The following ODAD4 variants were observed in gnomAD, a reference collection of about 807,000 sequenced individuals.
The protein encoded by ODAD4 is outer dynein arm-docking complex subunit 4.
Under a neutral mutation model 51.8 loss-of-function variants are expected in ODAD4, and 49 were observed. That is an observed-to-expected ratio of 0.95 (90% confidence interval 0.75 to 1.20). The LOEUF (loss-of-function observed/expected upper bound fraction) is 1.20. Among genes scored for constraint, ODAD4 ranks in the 50% most tolerant of loss-of-function variants. The probability of loss-of-function intolerance (pLI) is 0.00; values close to 1 mark genes in which losing one functional copy is unlikely to be tolerated. For synonymous variants in ODAD4, 235 were observed against 221.3 expected, an observed-to-expected ratio of 1.06 and a Z score of -0.55; for missense variants, 590 against 586.5, an observed-to-expected ratio of 1.01 and a Z score of -0.06.
intron 5 of ODAD4, 71 bp from the exon 6 acceptor site, chr17:41,938,486 G>A (rs547846288): frequency 2.6e-5 from 34 of 1,315,768 alleles, no homozygotes; most frequent in East Asian, 2.5e-4. Context: ...AGCGGCCACC[G>A]GGAGGAAACA....
In ODAD4 at chr17:41,931,850, A is replaced by G. The variant is rs2050345265; in HGVS notation, c.114+1013A>G. Among the ~76,000 whole-genome samples the G allele has an allele frequency of 2.0e-5, 3 of 152,108 alleles. No individual in the cohort carries two copies. The South Asian group carries it at 6.2e-4, about 32-fold the overall frequency. ...AGCTGCTGCACCAACCAGCAACATT[A>G]TTATAGTAACCCTAGTATAAATTGC... is the stretch of plus-strand genomic sequence containing the variant. On this transcript the variant is annotated intron_variant, in intron 1 of 11. Coordinates refer to ENST00000377540, the MANE Select transcript of ODAD4 (RefSeq NM_031421.5).
At chr17:41,960,309 G>A (rs1567940217) in intron 10 of ODAD4, among the ~76,000 whole-genome samples, 1 of 151,966 alleles carries the variant, frequency 6.6e-6, no homozygotes, top group Non-Finnish European at 1.5e-5. Flanking sequence ...CTCTTAAAAA[G>A]AAAAAACAAA....
intron 11 of ODAD4, among the ~76,000 whole-genome samples, chr17:41,962,586 A>G (rs1205227781): frequency 6.6e-6 from 1 of 152,210 alleles, no homozygotes; most frequent in African/African-American, 2.4e-5. Flanking sequence ...TCCTATCTGT[A>G]TCTGTTCAGG....
chr17:41,935,630 C>G lies in ODAD4; in HGVS notation c.278C>G (p.Thr93Ser). 6.2e-7 allele frequency: 1 copy of G among 1,613,212 alleles called. No individual in the cohort carries two copies. Among genetic ancestry groups the G allele is most frequent in the Middle Eastern group, 1.7e-4 (1 of 6,060 alleles). ...TTGCAAAAGGCTGAGACACTGTACA[C>G]CATGGGAGACTTTGAGTTTGCCTTG... ...GILQKAETLY[T>S]MGDFEFALVF... is the part of the protein sequence containing the mutation. Residue 93 changes from threonine (T) to serine (S), a missense_variant, in exon 3 of 12, where the codon ACC becomes AGC. This residue lies in a region of ODAD4 where 360 missense variants were observed against 407.5 expected (regional missense o/e 0.88). Coordinates refer to ENST00000377540, the MANE Select transcript of ODAD4 (RefSeq NM_031421.5).
chr17:41,959,234 T>C (rs2050773553), intron 10 of ODAD4, among the ~76,000 whole-genome samples: 1 of 152,030 alleles, frequency 6.6e-6, no homozygotes, highest in Non-Finnish European at 1.5e-5. Flanking sequence ...GCACACCAAC[T>C]TCACAGGTGC....
intron 1 of ODAD4, 127 bp downstream of exon 1, chr17:41,930,964 G>C: frequency 1.7e-6 from 1 of 572,154 alleles, no homozygotes; most frequent in Non-Finnish European, 2.9e-6. Context: ...CACGATCTCG[G>C]CTCGCCGCAA....
intron 3 of ODAD4, among the ~76,000 whole-genome samples, 188 bp from the exon 4 acceptor site, chr17:41,936,285 G>A (rs186528162): frequency 9.8e-5 from 15 of 152,288 alleles, no homozygotes; most frequent in South Asian, 2.1e-4. Flanking sequence ...TTGGGCTAGC[G>A]GGGGCTGTTA....
At chr17:41,931,909 T>TTTGTTGTTGTTA (rs2050347116) in intron 1 of ODAD4, among the ~76,000 whole-genome samples, 1 of 149,126 alleles carries the variant, frequency 6.7e-6, no homozygotes, top group Non-Finnish European at 1.5e-5. Flanking sequence ...GGTGATGGTT[T>TTTGTTGTTGTTA]TTGTTGTTGT....
chr17:41,961,610 CA>C, intron 11 of ODAD4, 144 bp downstream of exon 11: 1 of 639,918 alleles, frequency 1.6e-6, no homozygotes, highest in South Asian at 1.8e-5. Flanking sequence ...GTGCCACCAG[CA>C]GCCCTAGCCT....
chr17:41,959,996 G>A (rs544471529), intron 10 of ODAD4, among the ~76,000 whole-genome samples: 9 of 152,222 alleles, frequency 5.9e-5, no homozygotes, highest in Non-Finnish European at 1.0e-4. Context: ...GCTTCCAGGC[G>A]AAGAGCACCC....
At chr17:41,944,750 C>T (rs1005569356) in intron 7 of ODAD4, among the ~76,000 whole-genome samples, 1 of 151,786 alleles carries the variant, frequency 6.6e-6, no homozygotes, top group Non-Finnish European at 1.5e-5. Context: ...GATCATGGCA[C>T]TGCCCTCCAG....
chr17:41,936,382 C>A, intron 3 of ODAD4, 91 bp from the exon 4 acceptor site: 1 of 931,618 alleles, frequency 1.1e-6, no homozygotes, highest in Non-Finnish European at 1.7e-6. Context: ...CACCATCCCC[C>A]TGCCAAAGGC....
intron 10 of ODAD4, among the ~76,000 whole-genome samples, chr17:41,960,078 A>G (rs982072779): frequency 6.6e-6 from 1 of 152,220 alleles, no homozygotes; most frequent in Non-Finnish European, 1.5e-5. Context: ...GACAGACAGC[A>G]TGGCCGTTCA....
intron 10 of ODAD4, among the ~76,000 whole-genome samples, chr17:41,955,763 G>A (rs1040719600): frequency 1.4e-4 from 21 of 152,010 alleles, no homozygotes; most frequent in Admixed American, 1.0e-3. Flanking sequence ...CCTCTGCTAC[G>A]TACTCTGCAT....
At chr17:41,954,579 C>CGGT (rs1204946158) in intron 9 of ODAD4, among the ~76,000 whole-genome samples, 2 of 151,854 alleles carry the variant, frequency 1.3e-5, no homozygotes, top group African/African-American at 4.8e-5. Flanking sequence ...TCTGGCCGAG[C>CGGT]GGTGGCTCAC....
At chr17:41,947,050 G>T (rs1555639747) in intron 8 of ODAD4, among the ~76,000 whole-genome samples, 1 of 149,944 alleles carries the variant, frequency 6.7e-6, no homozygotes, top group African/African-American at 2.4e-5. Context: ...GGGTTTCCCC[G>T]CGTTGGTCAG....
intron 4 of ODAD4, 98 bp downstream of exon 4, chr17:41,936,632 T>A: frequency 2.0e-6 from 3 of 1,510,696 alleles, no homozygotes; most frequent in Non-Finnish European, 2.7e-6. Flanking sequence ...TGACCAGGCA[T>A]ACTCCGTGAC....
At chr17:41,951,319 G>T (rs2050648417) in intron 9 of ODAD4, among the ~76,000 whole-genome samples, 1 of 151,472 alleles carries the variant, frequency 6.6e-6, no homozygotes, top group Non-Finnish European at 1.5e-5. Flanking sequence ...TCTTGACCTC[G>T]TGATCTGCCT....
At position 41,935,595 on chromosome 17, in the gene ODAD4, C is replaced by A. The variant is rs1555637639; in HGVS notation, c.247-4C>A. ...CACATTGATTTGATTTCCTCCCATT[C>A]CAGGGGATTTTGCAAAAGGCTGAGA... is the stretch of plus-strand genomic sequence containing the variant. On this transcript the variant is annotated splice_polypyrimidine_tract_variant and splice_region_variant and intron_variant, in intron 2 of 11. Transcript: ENST00000377540. 12 of 1,610,262 alleles carry A rather than the reference C, an allele frequency of 7.5e-6. No individual in the cohort carries two copies. Among genetic ancestry groups the A allele is most frequent in the Non-Finnish European group, 1.0e-5 (12 of 1,178,164 alleles).
Sources: gnomAD v4.1 joint callset for allele counts (sites outside exome capture counted in the v4.1 genomes callset) on GRCh38, gnomAD v4.1.1 for gene constraint, gnomAD v4.1.1 regional missense constraint, MANE v1.5 for transcripts, NCBI Gene and HGNC (gene_info 2026-07-23, HGNC 2026-07-21) for gene names.